Variants in TMEM132D observed in about 807,000 individuals in gnomAD.
The protein encoded by TMEM132D is mature OL transmembrane protein.
TMEM132D carries 21 observed loss-of-function variants against 62.3 expected under a neutral mutation model. That is an observed-to-expected ratio of 0.34 (90% CI 0.24 to 0.49). The LOEUF (loss-of-function observed/expected upper bound fraction) is 0.49, where lower values mean the gene tolerates loss of function less well. Ranked by LOEUF, TMEM132D falls within the 20% of genes least tolerant of loss-of-function variation. The pLI, the probability that TMEM132D is intolerant of heterozygous loss-of-function variation, is 0.99. For synonymous variants in TMEM132D, 621 were observed against 575.6 expected (o/e 1.08, Z -1.13); for missense variants, 1,346 against 1,402.8 (o/e 0.96, Z 0.65).
chr12:129,074,787 T>C lies in TMEM132D; in HGVS notation c.2388A>G (p.Lys796=). Residue 796 remains lysine (K), a synonymous_variant, in exon 9 of 9, where the codon AAA becomes AAG. Transcript: ENST00000422113. Reference sequence around the variant, plus strand: ...TGGGGTTAGCATCGTTTTGGCCAAATTTAACTTTGATGTTTGCCGTTCCAA... The same window carrying C: ...TGGGGTTAGCATCGTTTTGGCCAAACTTAACTTTGATGTTTGCCGTTCCAA... ...LAVGTANIKV[K]FGQNDANPNT... is the part of the protein sequence containing the mutation. The C allele has an allele frequency of 6.2e-7, 1 of 1,614,084 alleles. No individual in the cohort carries two copies.
intron 4 of TMEM132D, among the ~76,000 whole-genome samples, chr12:129,250,309 T>TA (rs1880231980): frequency 6.6e-6 from 1 of 152,246 alleles, no homozygotes; most frequent in African/African-American, 2.4e-5. Context: ...TTTATGCAGA[T>TA]ACGTTCTAGG....
chr12:129,572,280 T>C (rs896172711), intron 2 of TMEM132D, among the ~76,000 whole-genome samples: 2 of 152,242 alleles, frequency 1.3e-5, no homozygotes, highest in Admixed American at 6.5e-5. Flanking sequence ...AAGGTCGTGC[T>C]GCCTTGACGC....
At chr12:129,882,749 A>G (rs527892528) in intron 1 of TMEM132D, among the ~76,000 whole-genome samples, 1 of 152,314 alleles carries the variant, frequency 6.6e-6, no homozygotes, top group South Asian at 2.1e-4. Flanking sequence ...AAACACACAT[A>G]ACATTGTTTT....
At chr12:129,416,836 G>T (rs545946823) in intron 3 of TMEM132D, among the ~76,000 whole-genome samples, 2 of 152,096 alleles carry the variant, frequency 1.3e-5, no homozygotes, top group African/African-American at 2.4e-5. Flanking sequence ...TTTATGTGAT[G>T]GATTATGTTT....
chr12:129,839,221 C>T (rs1873106344), intron 1 of TMEM132D, among the ~76,000 whole-genome samples: 1 of 147,836 alleles, frequency 6.8e-6, no homozygotes, highest in African/African-American at 2.5e-5. Flanking sequence ...CCTTCGCCTC[C>T]TGGTTTCAAG....
chr12:129,630,960 G>A (rs909250544), intron 2 of TMEM132D, among the ~76,000 whole-genome samples: 1 of 152,000 alleles, frequency 6.6e-6, no homozygotes, highest in Non-Finnish European at 1.5e-5. Context: ...TAAGGTACTT[G>A]GCTTTCTGTT....
chr12:129,316,548 C>T (rs1167312698), intron 4 of TMEM132D, among the ~76,000 whole-genome samples: 14 of 152,028 alleles, frequency 9.2e-5, no homozygotes, highest in Non-Finnish European at 1.5e-5. Context: ...TTTATTGAGG[C>T]TCATTTTTAT....
chr12:129,126,498 C>T (rs1032019248), intron 5 of TMEM132D, among the ~76,000 whole-genome samples: 1 of 151,992 alleles, frequency 6.6e-6, no homozygotes, highest in African/African-American at 2.4e-5. Context: ...TTAATTAGCT[C>T]AGATAACATC....
chr12:129,567,188 G>A (rs1279909025), intron 2 of TMEM132D, among the ~76,000 whole-genome samples: 1 of 152,182 alleles, frequency 6.6e-6, no homozygotes, highest in East Asian at 1.9e-4. Flanking sequence ...CTTTCCTGAT[G>A]ACATTGGTGC....
At chr12:129,335,949 T>C (rs1228806974) in intron 4 of TMEM132D, among the ~76,000 whole-genome samples, 3 of 152,202 alleles carry the variant, frequency 2.0e-5, no homozygotes, top group Admixed American at 6.5e-5. Context: ...CTGCAGAATA[T>C]AGATGTGATG....
intron 5 of TMEM132D, among the ~76,000 whole-genome samples, chr12:129,156,802 T>A (rs1877260760): frequency 6.6e-6 from 1 of 152,024 alleles, no homozygotes; most frequent in Admixed American, 6.6e-5. Flanking sequence ...GATAACTCAC[T>A]CTCAAGATAA....
At chr12:129,390,692 CCTT>C (rs1361115021) in intron 3 of TMEM132D, among the ~76,000 whole-genome samples, 2 of 152,262 alleles carry the variant, frequency 1.3e-5, no homozygotes, top group African/African-American at 2.4e-5. Context: ...CCTTGGTCCT[CCTT>C]CTTCTTGCTG....
chr12:129,509,670 T>C (rs994254807), intron 3 of TMEM132D, among the ~76,000 whole-genome samples: 2 of 152,160 alleles, frequency 1.3e-5, no homozygotes, highest in African/African-American at 2.4e-5. Context: ...ACTATTTCCA[T>C]GAGCTCAATT....
intron 5 of TMEM132D, among the ~76,000 whole-genome samples, chr12:129,167,848 A>G (rs527476321): frequency 6.6e-6 from 1 of 152,234 alleles, no homozygotes; most frequent in South Asian, 2.1e-4. Context: ...AGGAAGTGAA[A>G]AGAACCACAC....
intron 1 of TMEM132D, among the ~76,000 whole-genome samples, chr12:129,830,757 C>T (rs901905056): frequency 2.0e-5 from 3 of 152,054 alleles, no homozygotes; most frequent in Non-Finnish European, 4.4e-5. Context: ...TTTTTCTCTA[C>T]GTAGAAAGCA....
intron 2 of TMEM132D, among the ~76,000 whole-genome samples, chr12:129,698,696 GAGGAGAAA>G (rs1881290775): frequency 6.5e-5 from 1 of 15,384 alleles, no homozygotes; most frequent in Non-Finnish European, 1.3e-4. Flanking sequence ...AGGGGAGGGG[GAGGAGAAA>G]GGGGAGGAAA....
chr12:129,623,093 A>T (rs1879117090), intron 2 of TMEM132D, among the ~76,000 whole-genome samples: 1 of 152,170 alleles, frequency 6.6e-6, no homozygotes, highest in African/African-American at 2.4e-5. Flanking sequence ...TGAGATTTCT[A>T]AGGATAGCAT....
In TMEM132D at chr12:129,388,809, A is replaced by G. The variant is rs1449491011; in HGVS notation, c.1116-50992T>C. ...GATGATAATATTAACACCAACACAA[A>G]TCCTAATATAAACACTAATAGCAAC... is the stretch of plus-strand genomic sequence containing the variant. On this transcript the variant is annotated intron_variant, in intron 3 of 8. Coordinates refer to ENST00000422113, the MANE Select transcript of TMEM132D (RefSeq NM_133448.3). 8.2e-5 allele frequency among the ~76,000 whole-genome samples: 9 copies of G among 109,288 alleles called. No individual in the cohort carries two copies. In the South Asian group the frequency reaches 2.3e-3, roughly 28 times the overall value. The allele number at this position is 109,288 out of a possible 152,430, so 71.7% of individuals were successfully genotyped here.
chr12:129,382,893 AT>A (rs1870994360), intron 3 of TMEM132D, among the ~76,000 whole-genome samples: 2 of 152,076 alleles, frequency 1.3e-5, no homozygotes. Flanking sequence ...TTTTGGTAGA[AT>A]TGTTATTCAA....
Sources: gnomAD v4.1 joint callset for allele counts (sites outside exome capture counted in the v4.1 genomes callset) on GRCh38, gnomAD v4.1.1 for gene constraint, MANE v1.5 for transcripts, NCBI Gene and HGNC (gene_info 2026-07-23, HGNC 2026-07-21) for gene names.